PPFIA2: variants seen among roughly 807,000 people sequenced by gnomAD.
The protein encoded by PPFIA2 is liprin-alpha-2.
PPFIA2 carries 46 observed loss-of-function variants against 175.5 expected under a neutral mutation model. The ratio of observed to expected loss-of-function variants is 0.26; its 90% CI spans 0.21 to 0.34. PPFIA2 has a LOEUF of 0.34. Ranked by LOEUF, PPFIA2 falls within the 10% of genes least tolerant of loss-of-function variation. The pLI is 1.00. For synonymous variants in PPFIA2, 568 were observed against 511.4 expected, an observed-to-expected ratio of 1.11 and a Z score of -1.49; for missense variants, 1,179 against 1,506.1, an observed-to-expected ratio of 0.78 and a Z score of 3.60.
intron 4 of PPFIA2, among the ~76,000 whole-genome samples, chr12:81,562,048 T>A (rs1274772517): frequency 6.6e-6 from 1 of 152,196 alleles, no homozygotes; most frequent in Admixed American, 6.5e-5. Flanking sequence ...TTTAATAAGT[T>A]AATATTGACA....
chr12:81,317,280 C>G (rs946997367), intron 22 of PPFIA2, among the ~76,000 whole-genome samples: 1 of 151,446 alleles, frequency 6.6e-6, no homozygotes, highest in Non-Finnish European at 1.5e-5. Context: ...GTGAGATACA[C>G]AGGGAGCAGA....
chr12:81,560,004 C>A (rs909845705), intron 4 of PPFIA2, among the ~76,000 whole-genome samples: 4 of 152,234 alleles, frequency 2.6e-5, no homozygotes, highest in East Asian at 3.9e-4. Context: ...TTACACTTTG[C>A]ACTAACAGAC....
At chr12:81,632,357 T>C (rs1361802468) in intron 4 of PPFIA2, among the ~76,000 whole-genome samples, 1 of 152,024 alleles carries the variant, frequency 6.6e-6, no homozygotes, top group Non-Finnish European at 1.5e-5. Flanking sequence ...TTAAAAATCA[T>C]CCTTACATAA....
rs372704388 is a variant in PPFIA2 at position 81,537,750 on chromosome 12, C to A, written c.304-79884G>T. On this transcript the variant is annotated intron_variant, in intron 4 of 32. Transcript: ENST00000549396. Reference sequence around the variant, plus strand: ...TTCGTTTTACCAATTTTTCCAGGGCCTGACACCATGCCTGGCCTGCCCCAT... The same window carrying A: ...TTCGTTTTACCAATTTTTCCAGGGCATGACACCATGCCTGGCCTGCCCCAT... Among the ~76,000 whole-genome samples, 9 of 151,918 alleles carry A rather than the reference C, an allele frequency of 5.9e-5. No individual in the cohort carries two copies. The East Asian group carries it at 7.8e-4, about 13-fold the overall frequency.
intron 4 of PPFIA2, among the ~76,000 whole-genome samples, chr12:81,466,378 T>A (rs1045696827): frequency 6.6e-6 from 1 of 152,166 alleles, no homozygotes. Flanking sequence ...TTGGTAGATG[T>A]GTACTTGGAT....
intron 4 of PPFIA2, chr12:81,471,353 G>C (rs980399207): frequency 6.6e-6 from 1 of 151,454 alleles, no homozygotes; most frequent in African/African-American, 2.4e-5. Context: ...TGGTAAAAAA[G>C]AGATCTCCCT....
chr12:81,263,535 T>A (rs1433562434), intron 30 of PPFIA2, 145 bp from the exon 31 acceptor site: 1 of 621,530 alleles, frequency 1.6e-6, no homozygotes. Flanking sequence ...ATCAAGATAG[T>A]TAGTTCTATG....
chr12:81,405,825 G>T lies in PPFIA2; in HGVS notation c.724C>A (p.Leu242Ile), dbSNP rs1175851521. 1.3e-6 allele frequency: 2 copies of T among 1,581,046 alleles called. No homozygotes were observed. Among genetic ancestry groups the T allele is most frequent in the Admixed American group, 1.8e-5 (1 of 55,468 alleles). The change falls in exon 8 of 33, where the codon CTT becomes ATT. Residue 242 changes from leucine to isoleucine, a missense_variant. Physicochemically the swap from Leu to Ile is conservative, Grantham distance 5. Transcript: ENST00000549396. ...SSEGSTESEH[L>I]EGMEPGQKVH... ...TTCTGTCCAGGTTCCATCCCTTCAA[G>T]ATGTTCTGACTCTGTGGATCCCTCG...
At chr12:81,379,912 G>A (rs923171491) in intron 9 of PPFIA2, among the ~76,000 whole-genome samples, 4 of 152,228 alleles carry the variant, frequency 2.6e-5, no homozygotes, top group South Asian at 2.1e-4. Flanking sequence ...GTCCTCACAT[G>A]CAAAGCAAAT....
intron 22 of PPFIA2, among the ~76,000 whole-genome samples, chr12:81,310,309 T>C (rs1474626965): frequency 6.6e-6 from 1 of 152,154 alleles, no homozygotes; most frequent in African/African-American, 2.4e-5. Flanking sequence ...TCATCTTCAC[T>C]ATGTTGTACT....
chr12:81,501,268 C>G (rs1053318189), intron 4 of PPFIA2, among the ~76,000 whole-genome samples: 2 of 152,050 alleles, frequency 1.3e-5, no homozygotes, highest in African/African-American at 2.4e-5. Context: ...CTTGATATTC[C>G]CTTCACCTTT....
chr12:81,414,803 A>G (rs2044636836), intron 7 of PPFIA2, among the ~76,000 whole-genome samples: 1 of 151,588 alleles, frequency 6.6e-6, no homozygotes, highest in East Asian at 1.9e-4. Flanking sequence ...AGGGATTTAC[A>G]ATTTAAACTT....
chr12:81,636,210 G>A (rs2063993922), intron 4 of PPFIA2, among the ~76,000 whole-genome samples: 1 of 150,764 alleles, frequency 6.6e-6, no homozygotes, highest in Non-Finnish European at 1.5e-5. Flanking sequence ...CTCTATTGGC[G>A]CCAGTTAATA....
chr12:81,480,866 C>G (rs568136966), intron 4 of PPFIA2, among the ~76,000 whole-genome samples: 66 of 152,210 alleles, frequency 4.3e-4, no homozygotes, highest in Non-Finnish European at 8.2e-4. Flanking sequence ...TCCTATTCAA[C>G]ATAGTATTGG....
intron 17 of PPFIA2, among the ~76,000 whole-genome samples, chr12:81,348,684 C>T (rs187566677): frequency 4.6e-5 from 7 of 151,948 alleles, no homozygotes; most frequent in Admixed American, 2.6e-4. Flanking sequence ...TGCAGTGAGC[C>T]GAGATAGCGC....
chr12:81,548,577 C>T (rs115456595), intron 4 of PPFIA2, among the ~76,000 whole-genome samples: 74 of 152,226 alleles, frequency 4.9e-4, no homozygotes, highest in African/African-American at 1.7e-3. Flanking sequence ...AAGCAATCCT[C>T]TCACCTAAGT....
At chr12:81,643,772 C>A (rs929167989) in intron 4 of PPFIA2, among the ~76,000 whole-genome samples, 1 of 151,826 alleles carries the variant, frequency 6.6e-6, no homozygotes, top group Non-Finnish European at 1.5e-5. Context: ...TATTATTCTG[C>A]GATTTTGTCG....
At chr12:81,485,716 C>T (rs1334914200) in intron 4 of PPFIA2, among the ~76,000 whole-genome samples, 2 of 151,870 alleles carry the variant, frequency 1.3e-5, no homozygotes, top group African/African-American at 4.8e-5. Context: ...AAACAAATCA[C>T]TTAAAATATA....
At chr12:81,720,403 A>G (rs2079161553) in intron 3 of PPFIA2, among the ~76,000 whole-genome samples, 1 of 151,512 alleles carries the variant, frequency 6.6e-6, no homozygotes, top group Non-Finnish European at 1.5e-5. Flanking sequence ...AGCTACACAC[A>G]TAAGTGGACC....
Sources: allele counts gnomAD v4.1 joint callset (sites outside exome capture counted in the v4.1 genomes callset), GRCh38; gene constraint gnomAD v4.1.1; transcripts MANE v1.5; gene names NCBI Gene and HGNC (gene_info 2026-07-23, HGNC 2026-07-21).